The following HSF2 variants were observed in gnomAD, a reference collection of about 807,000 sequenced individuals.
The protein encoded by HSF2 is heat shock transcription factor 2.
HSF2 carries 21 observed loss-of-function variants against 65.0 expected under a neutral mutation model. The observed-to-expected ratio is 0.32, with a 90% CI of 0.23 to 0.47. The LOEUF (loss-of-function observed/expected upper bound fraction) is 0.47, where lower values mean the gene tolerates loss of function less well. Among genes scored for constraint, HSF2 ranks in the 20% least tolerant of loss-of-function variants. HSF2 has a pLI of 1.00. For synonymous variants in HSF2, 225 were observed against 219.1 expected, an observed-to-expected ratio of 1.03 and a Z score of -0.24; for missense variants, 499 against 628.1, an observed-to-expected ratio of 0.79 and a Z score of 2.20.
intron 1 of HSF2, among the ~76,000 whole-genome samples, chr6:122,409,244 CAG>C (rs1367167226): frequency 3.3e-5 from 5 of 151,838 alleles, no homozygotes; most frequent in Admixed American, 2.0e-4. Context: ...CATCAAAGCC[CAG>C]AGAGTCGAAC....
At chr6:122,422,357 T>C (rs487487) in intron 8 of HSF2, 59 bp downstream of exon 8, 850,871 of 1,201,092 alleles carry the variant, frequency 0.71, 303,301 homozygotes, top group South Asian at 0.78. Context: ...TATTACAGAG[T>C]AAAATTCAAA....
chr6:122,416,314 C>A lies in HSF2; in HGVS notation c.531+18C>A. On this transcript the variant is annotated intron_variant, in intron 5 of 12. Coordinates refer to ENST00000368455, the MANE Select transcript of HSF2 (RefSeq NM_004506.4). ...TTCGAAAGGTAAGAAGCTCTTTTCC[C>A]CAGGACCATAATTTGCATTTGTTTA... The A allele has an allele frequency of 6.3e-7, 1 of 1,577,986 alleles. No individual in the cohort carries two copies. The highest frequency in any genetic ancestry group is 8.7e-7 in the Non-Finnish European group (1 of 1,148,052).
Position 122,431,920 on chromosome 6 carries a change from T to G in HSF2, c.1316-5T>G. ...GATAAAAGAGTGTTTTTCTGATCTT[T>G]ATAGATAAGCAGCTTATCCAGTATA... On this transcript the variant is annotated splice_region_variant and splice_polypyrimidine_tract_variant and intron_variant, in intron 12 of 12. Coordinates refer to ENST00000368455, the MANE Select transcript of HSF2 (RefSeq NM_004506.4). The G allele has an allele frequency of 4.4e-6, 7 of 1,608,494 alleles. No homozygotes were observed. Among genetic ancestry groups the G allele is most frequent in the Non-Finnish European group, 5.9e-6 (7 of 1,177,684 alleles).
chr6:122,413,691 G>A, intron 4 of HSF2, 42 bp downstream of exon 4: 2 of 1,522,904 alleles, frequency 1.3e-6, no homozygotes, highest in Non-Finnish European at 1.8e-6. Context: ...CTGGGAATTG[G>A]GTATGTGTCT....
rs1196726878 is a variant in HSF2 at position 122,399,661 on chromosome 6, GAGCTGCTGCCGT to G, written c.-70_-59del. The G allele has an allele frequency of 8.1e-6, 9 of 1,114,678 alleles. No homozygotes were observed. The highest frequency in any genetic ancestry group is 1.6e-5 in the African/African-American group (1 of 60,882). The allele number at this position is 1,114,678 out of a possible 1,614,324, so 69.0% of individuals were successfully genotyped here. ...CGCCTGCGTTGTGGGCGTTCTCGGG[GAGCTGCTGCCGT>G]AGCTGCCGCCGCCGCTACCACCGCG... On this transcript the variant is annotated 5_prime_UTR_variant, in exon 1 of 13. Coordinates refer to ENST00000368455, the MANE Select transcript of HSF2 (RefSeq NM_004506.4).
intron 11 of HSF2, among the ~76,000 whole-genome samples, chr6:122,428,410 G>T (rs560705737): frequency 1.3e-5 from 2 of 151,710 alleles, no homozygotes; most frequent in Non-Finnish European, 2.9e-5. Context: ...AAGTTGAAAC[G>T]TATGAATATT....
intron 1 of HSF2, among the ~76,000 whole-genome samples, chr6:122,406,890 A>C (rs1773879470): frequency 6.6e-6 from 1 of 152,154 alleles, no homozygotes; most frequent in Non-Finnish European, 1.5e-5. Flanking sequence ...AAAAAAAAAC[A>C]GGAGTATTTT....
chr6:122,413,456 A>G (rs1324319567), intron 3 of HSF2, 69 bp from the exon 4 acceptor site: 10 of 1,189,706 alleles, frequency 8.4e-6, no homozygotes, highest in Non-Finnish European at 1.1e-5. Flanking sequence ...CTCTTCTAAT[A>G]GGGAAGCTTT....
chr6:122,412,249 G>A, intron 1 of HSF2, 124 bp from the exon 2 acceptor site: 1 of 606,518 alleles, frequency 1.6e-6, no homozygotes. Context: ...AGAATAGAAT[G>A]TTGGTCTGAA....
chr6:122,414,581 A>C (rs1382806521), intron 4 of HSF2, among the ~76,000 whole-genome samples: 1 of 152,032 alleles, frequency 6.6e-6, no homozygotes, highest in Admixed American at 6.6e-5. Context: ...GTGATCCCCA[A>C]ATCATTTTTT....
intron 7 of HSF2, among the ~76,000 whole-genome samples, chr6:122,421,003 C>T (rs1298730087): frequency 6.6e-6 from 1 of 151,656 alleles, no homozygotes; most frequent in Non-Finnish European, 1.5e-5. Context: ...TGAGCCACTG[C>T]ACCTGGCTTA....
At chr6:122,399,567 CG>C, upstream of HSF2, 1 of 569,738 alleles carries the variant, frequency 1.8e-6, no homozygotes, top group South Asian at 2.1e-5. Flanking sequence ...CCGTCACGTG[CG>C]GCCGCCCGGC....
At chr6:122,402,785 C>G (rs889435418) in intron 1 of HSF2, among the ~76,000 whole-genome samples, 3 of 152,124 alleles carry the variant, frequency 2.0e-5, no homozygotes, top group African/African-American at 7.2e-5. Flanking sequence ...CTCCTGACCT[C>G]AAGTGATCCA....
At position 122,422,974 on chromosome 6, in the gene HSF2, A is replaced by G; in HGVS notation, c.1070+17A>G. ...TTTGGGAAAGTGAGTGCTTATCTAG[A>G]TGTTGTCTAAAATTATTTGCTTTCT... is the stretch of plus-strand genomic sequence containing the variant. On this transcript the variant is annotated intron_variant, in intron 9 of 12. Transcript: ENST00000368455. The G allele has an allele frequency of 1.2e-6, 2 of 1,611,878 alleles. No homozygotes were observed. Among genetic ancestry groups the G allele is most frequent in the Non-Finnish European group, 1.7e-6 (2 of 1,178,372 alleles).
rs1774480541 is a variant in HSF2, at chr6:122,431,981, C to G, written c.1372C>G (p.Pro458Ala). The change falls in exon 13 of 13, where the codon CCT becomes GCT. Residue 458 changes from proline (P) to alanine (A), a missense_variant. This residue lies in a region of HSF2 where 349 missense variants were observed against 393.5 expected (regional missense o/e 0.89). Transcript: ENST00000368455. ...FPLLAFLDGN[P>A]ASSVEQASTT... is the part of the protein sequence containing the mutation. The stretch of plus-strand genomic sequence containing the variant: ...ACTTCTTGCATTCCTCGATGGGAAC[C>G]CTGCTTCTTCTGTTGAACAGGCGAG... 6.2e-7 allele frequency: 1 copy of G among 1,613,996 alleles called. No individual in the cohort carries two copies. Among genetic ancestry groups the G allele is most frequent in the African/African-American group, 1.3e-5 (1 of 75,008 alleles).
intron 1 of HSF2, among the ~76,000 whole-genome samples, chr6:122,406,802 TA>T (rs1773877509): frequency 6.6e-6 from 1 of 152,184 alleles, no homozygotes; most frequent in Admixed American, 6.5e-5. Flanking sequence ...GAAAATTGTT[TA>T]ATTTTTCTTA....
chr6:122,419,928 A>G (rs1774197270), intron 6 of HSF2, among the ~76,000 whole-genome samples: 1 of 152,152 alleles, frequency 6.6e-6, no homozygotes, highest in Non-Finnish European at 1.5e-5. Context: ...GAGTGTAGAA[A>G]AGTGGAGAAC....
rs368820590 is a variant in HSF2, at chr6:122,416,213, T to C, written c.456-8T>C. The stretch of plus-strand genomic sequence containing the variant: ...TTTTGTTTTGTTGCTTAATAAATTA[T>C]AACATAGTGAGAATGAGTCCCTTTG... On this transcript the variant is annotated splice_polypyrimidine_tract_variant and splice_region_variant and intron_variant, in intron 4 of 12. Transcript: ENST00000368455. 31 of 1,567,776 alleles carry C rather than the reference T, an allele frequency of 2.0e-5. No individual in the cohort carries two copies. Among genetic ancestry groups the C allele is most frequent in the Admixed American group, 1.7e-5 (1 of 59,482 alleles).
intron 5 of HSF2, among the ~76,000 whole-genome samples, chr6:122,418,255 G>A (rs559970100): frequency 2.4e-4 from 37 of 152,012 alleles, no homozygotes; most frequent in Non-Finnish European, 4.1e-4. Context: ...TAGGAAGTTG[G>A]CAATGTAATT....
Sources: gnomAD v4.1 joint callset for allele counts (sites outside exome capture counted in the v4.1 genomes callset) on GRCh38, gnomAD v4.1.1 for gene constraint, gnomAD v4.1.1 regional missense constraint, MANE v1.5 for transcripts, NCBI Gene and HGNC (gene_info 2026-07-23, HGNC 2026-07-21) for gene names.